GTF2F2: variants seen among roughly 807,000 people sequenced by gnomAD.
GTF2F2 encodes the protein general transcription factor IIF subunit 2.
A neutral mutation model predicts 42.2 loss-of-function variants in GTF2F2; 23 were observed. That is an observed-to-expected ratio of 0.55 (90% CI 0.39 to 0.77). The LOEUF (loss-of-function observed/expected upper bound fraction) is 0.77, where lower values mean the gene tolerates loss of function less well. Among genes scored for constraint, GTF2F2 ranks in the 30% least tolerant of loss-of-function variants. GTF2F2 has a pLI of 0.00. For synonymous variants in GTF2F2, 105 were observed against 100.8 expected (o/e 1.04, Z -0.25); for missense variants, 261 against 287.2 (o/e 0.91, Z 0.66).
chr13:45,250,440 C>T (rs1875831108), intron 5 of GTF2F2, among the ~76,000 whole-genome samples: 1 of 152,128 alleles, frequency 6.6e-6, no homozygotes, highest in Admixed American at 6.6e-5. Context: ...AGTATGCAGT[C>T]AGTTGTCCTA....
intron 5 of GTF2F2, among the ~76,000 whole-genome samples, chr13:45,213,201 C>G (rs1171730632): frequency 6.6e-6 from 1 of 152,048 alleles, no homozygotes; most frequent in Non-Finnish European, 1.5e-5. Context: ...GCCTCAGCCT[C>G]CCGAGTAGCT....
At chr13:45,199,497 C>T (rs1873069829) in intron 4 of GTF2F2, among the ~76,000 whole-genome samples, 1 of 145,836 alleles carries the variant, frequency 6.9e-6, no homozygotes, top group African/African-American at 2.5e-5. Context: ...AGAAGTCATA[C>T]CTTAAGTTTT....
intron 7 of GTF2F2, among the ~76,000 whole-genome samples, chr13:45,277,348 GA>G (rs1450170187): frequency 2.0e-5 from 3 of 152,170 alleles, no homozygotes; most frequent in Admixed American, 6.5e-5. Context: ...AGTCATGGTG[GA>G]AGCATGTCAC....
At chr13:45,276,247 C>A (rs1273662572) in intron 7 of GTF2F2, among the ~76,000 whole-genome samples, 1 of 152,026 alleles carries the variant, frequency 6.6e-6, no homozygotes, top group Admixed American at 6.6e-5. Context: ...TGTGTATATA[C>A]CATATTTTGT....
At chr13:45,207,949 G>C (rs1271328358) in intron 5 of GTF2F2, among the ~76,000 whole-genome samples, 1 of 152,046 alleles carries the variant, frequency 6.6e-6, no homozygotes, top group African/African-American at 2.4e-5. Context: ...TCAAGCCCAG[G>C]AGTTTGAGAC....
chr13:45,121,147 A>G (rs1237647885), intron 1 of GTF2F2, among the ~76,000 whole-genome samples: 3 of 152,144 alleles, frequency 2.0e-5, no homozygotes, highest in Admixed American at 6.5e-5. Context: ...GTCCCTGCCT[A>G]CTCTTAAAAG....
At chr13:45,184,087 G>A (rs986267381) in intron 4 of GTF2F2, among the ~76,000 whole-genome samples, 4 of 152,016 alleles carry the variant, frequency 2.6e-5, no homozygotes, top group South Asian at 2.1e-4. Context: ...TTGAACTCCC[G>A]ACAAGTGATC....
chr13:45,276,381 G>T (rs1470317381), intron 7 of GTF2F2, among the ~76,000 whole-genome samples: 1 of 151,934 alleles, frequency 6.6e-6, no homozygotes, highest in Non-Finnish European at 1.5e-5. Flanking sequence ...ATTTCTCTTG[G>T]GAGTGGAATT....
At chr13:45,251,448 G>A (rs1875875856) in intron 5 of GTF2F2, among the ~76,000 whole-genome samples, 1 of 152,024 alleles carries the variant, frequency 6.6e-6, no homozygotes, top group African/African-American at 2.4e-5. Flanking sequence ...AGGAATTATA[G>A]TATTTCTTCT....
In GTF2F2 at chr13:45,148,167, A is replaced by G. The variant is rs535904513; in HGVS notation, c.141-1603A>G. On this transcript the variant is annotated intron_variant, in intron 2 of 7. Transcript: ENST00000340473. The stretch of plus-strand genomic sequence containing the variant: ...GCAGGTTGGAACCAAACTGAACGTT[A>G]TGGAGAAACAGTGGTTTTCTAATTG... 3.4e-4 allele frequency among the ~76,000 whole-genome samples: 52 copies of G among 152,312 alleles called. 1 individual carries two copies. Among genetic ancestry groups the G allele is most frequent in the Admixed American group, 2.3e-3 (35 of 15,302 alleles).
At chr13:45,237,490 A>G (rs1033204962) in intron 5 of GTF2F2, among the ~76,000 whole-genome samples, 1 of 152,220 alleles carries the variant, frequency 6.6e-6, no homozygotes, top group African/African-American at 2.4e-5. Flanking sequence ...AAGATGTACA[A>G]TAATAGCTAA....
chr13:45,232,904 A>G (rs1325405214), intron 5 of GTF2F2, among the ~76,000 whole-genome samples: 1 of 152,246 alleles, frequency 6.6e-6, no homozygotes, highest in Non-Finnish European at 1.5e-5. Flanking sequence ...AGAAGTTAGT[A>G]TAGCCTGTTC....
intron 6 of GTF2F2, among the ~76,000 whole-genome samples, chr13:45,262,650 C>T (rs984934325): frequency 6.6e-6 from 1 of 152,136 alleles, no homozygotes; most frequent in Non-Finnish European, 1.5e-5. Flanking sequence ...AACTCCTAAG[C>T]TCAAGCGATC....
chr13:45,123,962 GGT>G (rs2138083883), intron 1 of GTF2F2: 1 of 712,248 alleles, frequency 1.4e-6, no homozygotes, highest in South Asian at 1.6e-5. Flanking sequence ...CAGCATTGAG[GGT>G]CTCTCTCTTC....
chr13:45,182,471 G>A (rs1475487336), intron 4 of GTF2F2, among the ~76,000 whole-genome samples: 1 of 152,026 alleles, frequency 6.6e-6, no homozygotes, highest in Non-Finnish European at 1.5e-5. Context: ...GTGATCTTAA[G>A]TGTTTTTTAA....
intron 5 of GTF2F2, among the ~76,000 whole-genome samples, chr13:45,251,145 G>T (rs114460532): frequency 6.6e-6 from 1 of 152,048 alleles, no homozygotes; most frequent in African/African-American, 2.4e-5. Flanking sequence ...AATTGAAAAG[G>T]CAATTGGTAA....
Position 45,231,632 on chromosome 13 carries a change from G to A in GTF2F2, c.387-21239G>A, listed in dbSNP as rs1016204681. The stretch of plus-strand genomic sequence containing the variant: ...ATCAGTATCAGCACCACAACTGGTC[G>A]TAAATGAAGGTCTTTTCCTTGAAAG... On this transcript the variant is annotated intron_variant, in intron 5 of 7. Transcript: ENST00000340473. 5.3e-5 allele frequency among the ~76,000 whole-genome samples: 8 copies of A among 151,986 alleles called. No homozygotes were observed. The East Asian group carries it at 1.3e-3, about 26-fold the overall frequency.
At position 45,151,740 on chromosome 13, in the gene GTF2F2, A is replaced by C. The variant is rs1870503093; in HGVS notation, c.213A>C (p.Lys71Asn). 1.9e-5 allele frequency: 31 copies of C among 1,604,712 alleles called. No homozygotes were observed. Among genetic ancestry groups the C allele is most frequent in the Non-Finnish European group, 2.6e-5 (31 of 1,172,926 alleles). Residue 71 changes from lysine (K) to asparagine (N), a missense_variant, in exon 4 of 8, where the codon AAA (lysine) becomes AAC (asparagine). Lys to Asn is a moderately conservative substitution (Grantham distance 94). Coordinates refer to ENST00000340473, the MANE Select transcript of GTF2F2 (RefSeq NM_004128.3). ...DLANIHDIGG[K>N]PASVSAPREH... Reference sequence around the variant, plus strand: ...CAAATATTCATGATATTGGTGGAAAACCAGCTTCAGTCAGTGCTCCTAGAG... The same window carrying C: ...CAAATATTCATGATATTGGTGGAAACCCAGCTTCAGTCAGTGCTCCTAGAG...
intron 4 of GTF2F2, among the ~76,000 whole-genome samples, chr13:45,176,342 A>G (rs922540134): frequency 1.3e-5 from 2 of 152,182 alleles, no homozygotes; most frequent in African/African-American, 4.8e-5. Flanking sequence ...CTTAACTGTT[A>G]TGGTGAATTT....
Sources: allele counts gnomAD v4.1 joint callset (sites outside exome capture counted in the v4.1 genomes callset), GRCh38; gene constraint gnomAD v4.1.1; transcripts MANE v1.5; gene names NCBI Gene and HGNC (gene_info 2026-07-23, HGNC 2026-07-21).